The following CHODL variants were observed in gnomAD, a reference collection of about 807,000 sequenced individuals.
CHODL encodes the protein transmembrane protein MT75.
Under a neutral mutation model 34.5 loss-of-function variants are expected in CHODL, and 29 were observed. The observed-to-expected ratio is 0.84, with a 90% CI of 0.63 to 1.15. The LOEUF (loss-of-function observed/expected upper bound fraction) is 1.15. Ranked by LOEUF, CHODL falls within the 50% of genes most tolerant of loss-of-function variation. The pLI is 0.00. For synonymous variants in CHODL, 125 were observed against 116.1 expected (o/e 1.08, Z -0.49); for missense variants, 332 against 332.5 (o/e 1.00, Z 0.01).
intron 2 of CHODL, among the ~76,000 whole-genome samples, chr21:18,211,553 C>G (rs2073775132): frequency 6.6e-6 from 1 of 152,202 alleles, no homozygotes; most frequent in Non-Finnish European, 1.5e-5. Context: ...TCTGGAAATT[C>G]TATGCCTGAG....
intron 2 of CHODL, among the ~76,000 whole-genome samples, chr21:18,219,692 T>C (rs1047163695): frequency 1.3e-5 from 2 of 152,176 alleles, no homozygotes; most frequent in African/African-American, 2.4e-5. Context: ...TATCCAGCAT[T>C]TTTTATATAC....
chr21:18,207,426 G>A (rs535180776), intron 2 of CHODL, among the ~76,000 whole-genome samples: 1 of 152,216 alleles, frequency 6.6e-6, no homozygotes, highest in South Asian at 2.1e-4. Context: ...TCAAAAAGTG[G>A]TCATACTTCT....
At chr21:18,247,961 A>G (rs926983754) in intron 1 of CHODL, among the ~76,000 whole-genome samples, 1 of 151,916 alleles carries the variant, frequency 6.6e-6, no homozygotes, top group Non-Finnish European at 1.5e-5. Context: ...ATGTTTGAAG[A>G]GCAAGTGATA....
At chr21:18,158,212 A>G (rs1408760332) in intron 2 of CHODL, among the ~76,000 whole-genome samples, 1 of 152,106 alleles carries the variant, frequency 6.6e-6, no homozygotes, top group East Asian at 1.9e-4. Context: ...AGAGCCTGGT[A>G]TACAATAGGT....
In CHODL at chr21:18,266,295, G is replaced by C. The variant is rs1568966940; in HGVS notation, c.*257G>C. ...ACTTCAAACTTCAAGCAAATGAAAT[G>C]GACAATGCAGATAAAGTTGTTATCA... On this transcript the variant is annotated 3_prime_UTR_variant, in exon 6 of 6. Coordinates refer to ENST00000299295, the MANE Select transcript of CHODL (RefSeq NM_024944.3). 1.2e-5 allele frequency: 13 copies of C among 1,121,772 alleles called. No homozygotes were observed. Among genetic ancestry groups the C allele is most frequent in the Non-Finnish European group, 1.5e-5 (12 of 813,714 alleles). 69.5% of individuals were successfully genotyped at this position (1,121,772 alleles called of 1,614,324 possible).
At chr21:18,160,633 A>T (rs978343184) in intron 2 of CHODL, among the ~76,000 whole-genome samples, 1 of 152,204 alleles carries the variant, frequency 6.6e-6, no homozygotes, top group Admixed American at 6.5e-5. Flanking sequence ...AATGGCTTCC[A>T]GCTCCATCCA....
intron 1 of CHODL, among the ~76,000 whole-genome samples, chr21:17,948,034 G>C (rs567049507): frequency 6.6e-6 from 1 of 152,150 alleles, no homozygotes; most frequent in South Asian, 2.1e-4. Flanking sequence ...CATTATTTAC[G>C]TGCAACAACT....
chr21:18,203,316 T>C (rs2073675979), intron 2 of CHODL, among the ~76,000 whole-genome samples: 1 of 152,146 alleles, frequency 6.6e-6, no homozygotes, highest in Admixed American at 6.5e-5. Flanking sequence ...TATATAACTT[T>C]TAAAATCAAG....
intron 2 of CHODL, among the ~76,000 whole-genome samples, chr21:18,235,875 A>T (rs545316681): frequency 4.0e-4 from 61 of 152,268 alleles, no homozygotes; most frequent in African/African-American, 1.5e-3. Context: ...GGAAATTCTT[A>T]TCATGTTCAG....
intron 2 of CHODL, among the ~76,000 whole-genome samples, chr21:18,178,191 A>T (rs544288489): frequency 6.6e-5 from 10 of 152,308 alleles, no homozygotes; most frequent in African/African-American, 2.4e-4. Flanking sequence ...ACTATATACC[A>T]GACACAAGTT....
intron 2 of CHODL, among the ~76,000 whole-genome samples, chr21:18,094,751 A>AG (rs2065117841): frequency 1.3e-5 from 2 of 151,814 alleles, no homozygotes; most frequent in African/African-American, 4.8e-5. Context: ...TCAAAAAAAA[A>AG]AAAAAAGCTT....
intron 1 of CHODL, among the ~76,000 whole-genome samples, chr21:17,929,700 A>G (rs978763096): frequency 6.6e-6 from 1 of 152,144 alleles, no homozygotes; most frequent in African/African-American, 2.4e-5. Flanking sequence ...CCTCCAGTCT[A>G]ACACAGGGAA....
At chr21:18,168,141 C>T (rs943762880) in intron 2 of CHODL, among the ~76,000 whole-genome samples, 22 of 152,154 alleles carry the variant, frequency 1.4e-4, no homozygotes, top group Admixed American at 1.2e-3. Flanking sequence ...ACCTTCCCAC[C>T]GCAAACTGAA....
chr21:18,252,539 C>T (rs186874279), intron 1 of CHODL, among the ~76,000 whole-genome samples: 115 of 152,144 alleles, frequency 7.6e-4, no homozygotes, highest in Middle Eastern at 3.4e-3. Context: ...GTGAGACGTT[C>T]AATAGCTGCT....
At chr21:17,985,944 C>A (rs1490413961) in intron 1 of CHODL, among the ~76,000 whole-genome samples, 1 of 152,062 alleles carries the variant, frequency 6.6e-6, no homozygotes, top group Non-Finnish European at 1.5e-5. Flanking sequence ...TGCTTTCTTG[C>A]TGTGTTTTCA....
At chr21:18,041,114 G>A (rs1478711346) in intron 2 of CHODL, among the ~76,000 whole-genome samples, 1 of 151,906 alleles carries the variant, frequency 6.6e-6, no homozygotes, top group Non-Finnish European at 1.5e-5. Flanking sequence ...ATTTCTGTAA[G>A]CTGAAAATTT....
At chr21:18,135,872 G>A (rs909044883) in intron 2 of CHODL, among the ~76,000 whole-genome samples, 6 of 151,964 alleles carry the variant, frequency 3.9e-5, no homozygotes, top group Non-Finnish European at 8.8e-5. Context: ...ACTTTGGGAG[G>A]CCAAGGCGGA....
rs75283464 is a variant in CHODL, at chr21:18,151,694, T to G, written c.-44-104815T>G. Among the ~76,000 whole-genome samples the G allele has an allele frequency of 2.8e-3, 431 of 152,284 alleles. 2 individuals carry two copies. The highest frequency in any genetic ancestry group is 0.01 in the African/African-American group (416 of 41,566). Reference sequence around the variant, plus strand: ...TGAGCCCTCAGTCTGTGGGATTTGATGCTATTTCTAGGTAGATAGTATCAA... The same window carrying G: ...TGAGCCCTCAGTCTGTGGGATTTGAGGCTATTTCTAGGTAGATAGTATCAA... On this transcript the variant is annotated intron_variant, in intron 2 of 6. Transcript: ENST00000400127.
rs928198141 is a variant in CHODL, at chr21:18,221,102, T to A, written c.-44-35407T>A. 3.9e-5 allele frequency among the ~76,000 whole-genome samples: 6 copies of A among 152,282 alleles called. No homozygotes were observed. In the East Asian group the frequency reaches 7.7e-4, roughly 20 times the overall value. On this transcript the variant is annotated intron_variant, in intron 2 of 6. Transcript: ENST00000400127. ...CATGCTTTTTAATTCTTTTTTTTAGTCTAATTGGATTATTCCAAAACGCTT... is the reference window on the plus strand; with the variant it reads ...CATGCTTTTTAATTCTTTTTTTTAGACTAATTGGATTATTCCAAAACGCTT...
Sources: allele counts gnomAD v4.1 joint callset (sites outside exome capture counted in the v4.1 genomes callset), GRCh38; gene constraint gnomAD v4.1.1; transcripts MANE v1.5; gene names NCBI Gene and HGNC (gene_info 2026-07-23, HGNC 2026-07-21).